The following CRYBG1 variants were observed in gnomAD, a reference collection of about 807,000 sequenced individuals.
CRYBG1 encodes the protein beta/gamma crystallin domain-containing protein 1.
In CRYBG1, 139 loss-of-function variants were observed where a neutral mutation model predicts 189.2. The observed-to-expected ratio is 0.73, with a 90% confidence interval of 0.64 to 0.85. CRYBG1 has a LOEUF of 0.85. CRYBG1 is among the 40% of genes least tolerant of loss of function. The pLI is 0.00. For synonymous variants in CRYBG1, 1,023 were observed against 1,017.1 expected (o/e 1.01, Z -0.11); for missense variants, 2,611 against 2,675.8 (o/e 0.98, Z 0.53).
Position 106,519,721 on chromosome 6 carries a change from TC to T in CRYBG1, c.2517del (p.Thr840ProfsTer55), listed in dbSNP as rs753907861. On this transcript the variant is annotated frameshift_variant, in exon 4 of 22. Coordinates refer to ENST00000633556, the MANE Select transcript of CRYBG1 (RefSeq NM_001371242.2). LOFTEE classifies it high-confidence loss of function. ...LENVTDTAQD[I>X]PTTVDTKDLP... is the part of the protein sequence containing the mutation. Reference sequence around the variant, plus strand: ...AATGTAACCGATACAGCACAAGACATCCCCACCACTGTGGATACCAAAGATT... The same window carrying T: ...AATGTAACCGATACAGCACAAGACATCCCACCACTGTGGATACCAAAGATT... The T allele has an allele frequency of 1.9e-6, 3 of 1,613,898 alleles. No homozygotes were observed. The highest frequency in any genetic ancestry group is 2.7e-5 in the African/African-American group (2 of 74,862).
At chr6:106,418,830 T>C (rs1771074161) in intron 1 of CRYBG1, among the ~76,000 whole-genome samples, 1 of 152,164 alleles carries the variant, frequency 6.6e-6, no homozygotes, top group South Asian at 2.1e-4. Flanking sequence ...GAAAAGAGAA[T>C]AGTTCTGTCT....
chr6:106,396,272 C>A (rs957052525), intron 1 of CRYBG1, among the ~76,000 whole-genome samples: 1 of 152,046 alleles, frequency 6.6e-6, no homozygotes, highest in Non-Finnish European at 1.5e-5. Flanking sequence ...CAGTATCAAC[C>A]ACTGATTAGT....
intron 10 of CRYBG1, among the ~76,000 whole-genome samples, chr6:106,542,977 CATTTTATTTTATTTT>C (rs201220565): frequency 6.8e-6 from 1 of 148,008 alleles, no homozygotes; most frequent in Non-Finnish European, 1.5e-5. Flanking sequence ...ATGATTAGAA[CATTTTATTTTATTTT>C]ATTTTATTTT....
In CRYBG1 at chr6:106,519,791, C is replaced by T. The variant is rs769746036; in HGVS notation, c.2583C>T (p.Asp861=). ...CAAAGCCACAGCATACATTTTCTGA[C>T]TCACAGTCCCCTGCTGAGTCATCTC... ...AMPKPQHTFS[D]SQSPAESSPG... is the part of the protein sequence containing the mutation. The change falls in exon 4 of 22, where the codon GAC becomes GAT. Residue 861 remains aspartate (D), a synonymous_variant. Transcript: ENST00000633556. 1 of 1,614,206 alleles carries T rather than the reference C, an allele frequency of 6.2e-7. No homozygotes were observed. Among genetic ancestry groups the T allele is most frequent in the Non-Finnish European group, 8.5e-7 (1 of 1,180,040 alleles).
intron 17 of CRYBG1, among the ~76,000 whole-genome samples, chr6:106,558,252 A>G (rs544879441): frequency 6.6e-6 from 1 of 150,632 alleles, no homozygotes; most frequent in East Asian, 1.9e-4. Flanking sequence ...CCCCTGTTTT[A>G]CAAACTATTT....
intron 2 of CRYBG1, among the ~76,000 whole-genome samples, chr6:106,509,137 G>T (rs1179629528): frequency 6.6e-6 from 1 of 152,164 alleles, no homozygotes; most frequent in African/African-American, 2.4e-5. Flanking sequence ...TTGAAGGCCT[G>T]TCCAGACAGC....
At position 106,506,446 on chromosome 6, in the gene CRYBG1, C is replaced by CTTT. The variant is rs67154803; in HGVS notation, c.313-4961_313-4959dup. On this transcript the variant is annotated intron_variant, in intron 2 of 21. Transcript: ENST00000633556. ...CAAAATGTTATTAGATTTCTTGTCACTTTTTTTTTTTTTTTTTTTTTTTTT... is the reference window on the plus strand; with the variant it reads ...CAAAATGTTATTAGATTTCTTGTCACTTTTTTTTTTTTTTTTTTTTTTTTTTTT... Among the ~76,000 whole-genome samples the CTTT allele has an allele frequency of 8.1e-3, 570 of 69,968 alleles. 3 individuals are homozygous for CTTT. The highest frequency in any genetic ancestry group is 0.018 in the East Asian group (43 of 2,350). The allele number at this position is 69,968 out of a possible 152,430, so 45.9% of individuals were successfully genotyped here.
intron 1 of CRYBG1, among the ~76,000 whole-genome samples, chr6:106,435,604 A>T (rs200077871): frequency 8.3e-6 from 1 of 120,140 alleles, no homozygotes; most frequent in Admixed American, 8.6e-5. Context: ...TTAATTAATT[A>T]TATTTATTTA....
At chr6:106,379,699 C>T (rs1770249738) in intron 1 of CRYBG1, among the ~76,000 whole-genome samples, 1 of 152,114 alleles carries the variant, frequency 6.6e-6, no homozygotes, top group Admixed American at 6.5e-5. Context: ...GCTGGGACTA[C>T]AGGTGTGCAC....
chr6:106,541,176 C>T (rs940289272), intron 9 of CRYBG1: 8 of 468,932 alleles, frequency 1.7e-5, no homozygotes, highest in Admixed American at 4.8e-5. Context: ...CAACCCCGGG[C>T]CTGTGCCCAG....
At chr6:106,438,464 G>A (rs919080467) in intron 1 of CRYBG1, among the ~76,000 whole-genome samples, 28 of 152,158 alleles carry the variant, frequency 1.8e-4, no homozygotes, top group African/African-American at 6.7e-4. Context: ...AGGCTCTAGG[G>A]AAGGATCCCT....
chr6:106,443,412 C>T (rs557882487), intron 1 of CRYBG1, among the ~76,000 whole-genome samples: 84 of 152,226 alleles, frequency 5.5e-4, no homozygotes, highest in African/African-American at 1.9e-3. Flanking sequence ...AAGAGAAAAG[C>T]TTTTCTTGGC....
chr6:106,473,572 A>G (rs1317510149), intron 2 of CRYBG1, among the ~76,000 whole-genome samples: 1 of 152,188 alleles, frequency 6.6e-6, no homozygotes, highest in Non-Finnish European at 1.5e-5. Context: ...AAAAGACAGG[A>G]GACAACAGGG....
At chr6:106,367,532 A>G (rs1213166612) in intron 1 of CRYBG1, among the ~76,000 whole-genome samples, 1 of 143,750 alleles carries the variant, frequency 7.0e-6, no homozygotes, top group Non-Finnish European at 1.5e-5. Context: ...GGTTGCAGTG[A>G]GCCAAGATTG....
chr6:106,538,644 C>G (rs1211606172), intron 8 of CRYBG1, among the ~76,000 whole-genome samples: 1 of 152,116 alleles, frequency 6.6e-6, no homozygotes, highest in East Asian at 1.9e-4. Context: ...GTAATCCCAG[C>G]ACCTTTGGGA....
At chr6:106,494,364 A>G (rs1772794604) in intron 2 of CRYBG1, among the ~76,000 whole-genome samples, 1 of 152,188 alleles carries the variant, frequency 6.6e-6, no homozygotes, top group African/African-American at 2.4e-5. Flanking sequence ...AAAAATGGTT[A>G]AGATGGTACA....
intron 1 of CRYBG1, among the ~76,000 whole-genome samples, chr6:106,420,069 G>A (rs576469643): frequency 6.6e-6 from 1 of 152,138 alleles, no homozygotes; most frequent in African/African-American, 2.4e-5. Flanking sequence ...GGCTCTGACT[G>A]TGCAATGCAG....
intron 1 of CRYBG1, among the ~76,000 whole-genome samples, chr6:106,442,528 C>T (rs755054667): frequency 6.6e-6 from 1 of 152,192 alleles, no homozygotes. Context: ...AACCAACAGA[C>T]CAGTTTTGCA....
intron 1 of CRYBG1, among the ~76,000 whole-genome samples, chr6:106,437,442 C>T (rs11152988): frequency 7.3e-6 from 1 of 136,590 alleles, no homozygotes; most frequent in African/African-American, 2.5e-5. Flanking sequence ...TTTTCTTCTT[C>T]TTTTTTTAAG....
Sources: gnomAD v4.1 joint callset for allele counts (sites outside exome capture counted in the v4.1 genomes callset) on GRCh38, gnomAD v4.1.1 for gene constraint, MANE v1.5 for transcripts, NCBI Gene and HGNC (gene_info 2026-07-23, HGNC 2026-07-21) for gene names.